Variants in NT5DC1 observed in about 807,000 individuals in gnomAD.
NT5DC1 encodes the protein 5'-nucleotidase domain-containing protein 1.
A neutral mutation model predicts 59.4 loss-of-function variants in NT5DC1; 42 were observed. That is an observed-to-expected ratio of 0.71 (90% CI 0.55 to 0.92). The LOEUF (loss-of-function observed/expected upper bound fraction) is 0.92, where lower values mean the gene tolerates loss of function less well. Ranked by LOEUF, NT5DC1 falls within the 40% of genes least tolerant of loss-of-function variation. The pLI is 0.00. For synonymous variants in NT5DC1, 172 were observed against 188.1 expected (o/e 0.91, Z 0.70); for missense variants, 501 against 537.1 (o/e 0.93, Z 0.66).
At chr6:116,109,084 C>A (rs554372183) in intron 3 of NT5DC1, among the ~76,000 whole-genome samples, 1 of 152,328 alleles carries the variant, frequency 6.6e-6, no homozygotes, top group African/African-American at 2.4e-5. Context: ...CTGTCTCTCA[C>A]AGGGCACCAG....
At chr6:116,125,687 G>C in intron 6 of NT5DC1, 1 of 498,568 alleles carries the variant, frequency 2.0e-6, no homozygotes. Flanking sequence ...ATATGTCTTA[G>C]TTATTTTTGG....
At chr6:116,230,966 G>T (rs1782006443) in intron 8 of NT5DC1, among the ~76,000 whole-genome samples, 1 of 152,000 alleles carries the variant, frequency 6.6e-6, no homozygotes, top group African/African-American at 2.4e-5. Flanking sequence ...AATTAGCTGG[G>T]CGTGGTGGCA....
chr6:116,231,147 A>AACCCC (rs899675633), intron 8 of NT5DC1, among the ~76,000 whole-genome samples: 13 of 56,094 alleles, frequency 2.3e-4, no homozygotes, highest in African/African-American at 2.0e-3. Flanking sequence ...TGAATGGTAA[A>AACCCC]TCCCCCCCCC....
At chr6:116,206,456 A>G (rs1343906710) in intron 6 of NT5DC1, among the ~76,000 whole-genome samples, 2 of 152,008 alleles carry the variant, frequency 1.3e-5, no homozygotes, top group Non-Finnish European at 1.5e-5. Flanking sequence ...GACTTGACTC[A>G]AGACTGTCTG....
chr6:116,221,622 G>A (rs1025275957), intron 7 of NT5DC1, among the ~76,000 whole-genome samples: 8 of 152,120 alleles, frequency 5.3e-5, no homozygotes, highest in Admixed American at 1.3e-4. Context: ...ATTTCCGTGC[G>A]GAGCCATGTA....
intron 4 of NT5DC1, among the ~76,000 whole-genome samples, chr6:116,115,166 A>G (rs1460779279): frequency 1.3e-5 from 2 of 152,208 alleles, no homozygotes; most frequent in Non-Finnish European, 2.9e-5. Flanking sequence ...GTTTTTAAGC[A>G]CACTGTGTCT....
intron 6 of NT5DC1, chr6:116,122,054 G>T: frequency 9.4e-7 from 1 of 1,059,050 alleles, no homozygotes; most frequent in Non-Finnish European, 1.5e-6. Flanking sequence ...ATTGGGACAC[G>T]ATATTTCAGC....
chr6:116,147,933 C>T (rs1263664793), intron 6 of NT5DC1, among the ~76,000 whole-genome samples: 2 of 151,398 alleles, frequency 1.3e-5, no homozygotes, highest in African/African-American at 4.9e-5. Context: ...TTGCAGGGAG[C>T]TGAGATCGCG....
chr6:116,120,923 C>T (rs1779099496), intron 6 of NT5DC1: 5 of 1,613,964 alleles, frequency 3.1e-6, no homozygotes, highest in Non-Finnish European at 3.4e-6. Flanking sequence ...ACCCTTAGGA[C>T]CATCGAGACC....
At chr6:116,131,807 T>C (rs575606320) in intron 6 of NT5DC1, among the ~76,000 whole-genome samples, 2 of 152,290 alleles carry the variant, frequency 1.3e-5, no homozygotes, top group South Asian at 4.1e-4. Flanking sequence ...TTATTTTTCC[T>C]AATCCTCTTC....
intron 6 of NT5DC1, among the ~76,000 whole-genome samples, chr6:116,213,391 T>C (rs1278117362): frequency 6.6e-6 from 1 of 152,082 alleles, no homozygotes; most frequent in Admixed American, 6.6e-5. Context: ...CTCAGATTGG[T>C]TGCACATCTT....
intron 2 of NT5DC1, among the ~76,000 whole-genome samples, chr6:116,107,497 T>G (rs1330598374): frequency 6.6e-6 from 1 of 151,688 alleles, no homozygotes; most frequent in Non-Finnish European, 1.5e-5. Flanking sequence ...TCTTTTACAG[T>G]AAAGGAGCTA....
chr6:116,218,612 C>T (rs1360016863), intron 6 of NT5DC1, among the ~76,000 whole-genome samples: 1 of 152,064 alleles, frequency 6.6e-6, no homozygotes, highest in Non-Finnish European at 1.5e-5. Context: ...ACTAGTACTT[C>T]CTCTTCCCTG....
chr6:116,238,276 CAG>C lies in NT5DC1; in HGVS notation c.1014_1015del (p.Asp340Ter). ...WETVLILEEL[R>X]GDEGTRSQRP... is the part of the protein sequence containing the mutation. ...AGACAGTCCTCATCCTGGAAGAACT[CAG>C]AGGGGATGAAGGCACGAGGAGTCAG... is the stretch of plus-strand genomic sequence containing the variant. On this transcript the variant is annotated frameshift_variant, in exon 10 of 12. Transcript: ENST00000319550. LOFTEE classifies it high-confidence loss of function. The C allele has an allele frequency of 6.2e-7, 1 of 1,613,208 alleles. No individual in the cohort carries two copies. The highest frequency in any genetic ancestry group is 1.1e-5 in the South Asian group (1 of 91,016).
At chr6:116,161,291 T>A (rs992176974) in intron 6 of NT5DC1, among the ~76,000 whole-genome samples, 2 of 151,668 alleles carry the variant, frequency 1.3e-5, no homozygotes, top group African/African-American at 2.4e-5. Context: ...TGTATACATA[T>A]GTAACTAACC....
intron 6 of NT5DC1, among the ~76,000 whole-genome samples, chr6:116,187,261 G>T (rs1781020514): frequency 6.6e-6 from 1 of 152,086 alleles, no homozygotes; most frequent in African/African-American, 2.4e-5. Context: ...CTCCAGGAAA[G>T]GTAGCAGGGG....
chr6:116,210,590 G>T (rs1019833333), intron 6 of NT5DC1, among the ~76,000 whole-genome samples: 1 of 151,868 alleles, frequency 6.6e-6, no homozygotes, highest in Non-Finnish European at 1.5e-5. Context: ...TGTTCCTGGG[G>T]TCATTATGAG....
At chr6:116,215,264 A>G (rs1381347858) in intron 6 of NT5DC1, among the ~76,000 whole-genome samples, 1 of 152,166 alleles carries the variant, frequency 6.6e-6, no homozygotes, top group Non-Finnish European at 1.5e-5. Flanking sequence ...TTCCAGAAAC[A>G]TGATATCAAA....
chr6:116,125,249 A>G, intron 6 of NT5DC1: 1 of 1,459,474 alleles, frequency 6.9e-7, no homozygotes, highest in Non-Finnish European at 9.4e-7. Context: ...AGTAACACCA[A>G]AGTTAAATGC....
Sources: gnomAD v4.1 joint callset for allele counts (sites outside exome capture counted in the v4.1 genomes callset) on GRCh38, gnomAD v4.1.1 for gene constraint, MANE v1.5 for transcripts, NCBI Gene and HGNC (gene_info 2026-07-23, HGNC 2026-07-21) for gene names.